The following AHNAK2 variants were observed in gnomAD, a reference collection of about 807,000 sequenced individuals.
The protein encoded by AHNAK2 is protein AHNAK2.
In AHNAK2, 18 loss-of-function variants were observed where a neutral mutation model predicts 30.7. That is an observed-to-expected ratio of 0.59 (90% confidence interval 0.41 to 0.87). AHNAK2 has a LOEUF of 0.87. Among genes scored for constraint, AHNAK2 ranks in the 40% least tolerant of loss-of-function variants. The probability of loss-of-function intolerance (pLI) is 0.00; values close to 1 mark genes in which losing one functional copy is unlikely to be tolerated. For missense variants in AHNAK2, 8,604 were observed against 7,373.0 expected (o/e 1.17, Z -6.11); for synonymous variants, 3,590 against 3,073.8 (o/e 1.17, Z -5.56).
chr14:104,942,311 G>A lies in AHNAK2; in HGVS notation c.13140C>T (p.His4380=). The A allele has an allele frequency of 6.2e-7, 1 of 1,613,340 alleles. No individual in the cohort carries two copies. Among genetic ancestry groups the A allele is most frequent in the Non-Finnish European group, 8.5e-7 (1 of 1,179,830 alleles). The stretch of plus-strand genomic sequence containing the variant: ...AACTGGGCATCTGCAGCTTCGGCAG[G>A]TGCCCTTTGAGGCCGGCTCCCTCAT... ...PVHEGAGLKG[H]LPKLQMPSFK... Residue 4380 remains histidine (H), a synonymous_variant, in exon 7 of 7, where the codon CAC becomes CAT. Coordinates refer to ENST00000333244, the MANE Select transcript of AHNAK2 (RefSeq NM_138420.4).
At chr14:104,977,918 C>G (rs547958863) in intron 1 of AHNAK2, among the ~76,000 whole-genome samples, 378 of 152,254 alleles carry the variant, frequency 2.5e-3, no homozygotes, top group African/African-American at 8.6e-3. Context: ...AGTCAGCCAC[C>G]GAGAAACAAA....
At chr14:104,970,966 G>A (rs1343564532) in intron 1 of AHNAK2, among the ~76,000 whole-genome samples, 1 of 152,064 alleles carries the variant, frequency 6.6e-6, no homozygotes, top group Non-Finnish European at 1.5e-5. Context: ...TGGTCACTGG[G>A]CCAGTGACCT....
Position 104,954,184 on chromosome 14 carries a change from T to C in AHNAK2, c.1267A>G (p.Thr423Ala). 1 of 1,609,950 alleles carries C rather than the reference T, an allele frequency of 6.2e-7. No homozygotes were observed. The highest frequency in any genetic ancestry group is 8.5e-7 in the Non-Finnish European group (1 of 1,179,694). The change falls in exon 7 of 7, where the codon ACC (threonine) becomes GCC (alanine). Residue 423 changes from threonine (T) to alanine (A), a missense_variant. By Grantham distance (58) the Thr-to-Ala change is moderately conservative. Coordinates refer to ENST00000333244, the MANE Select transcript of AHNAK2 (RefSeq NM_138420.4). This position sits in a 1 kb window ranked among gnomAD's most constrained non-coding sequence, Gnocchi z 4.3. ...GTCTCCTGTGCCTGCCCCTCCAGGG[T>C]CTTTCCATGGAGCCTGGCTGCCCTG... The part of the protein sequence containing the change: ...GLRAARLHGK[T>A]LEGQAQETAV...
Position 104,945,691 on chromosome 14 carries a change from C to T in AHNAK2, c.9760G>A (p.Asp3254Asn). ...PQIDIKGPKL[D>N]LKGPKMDVTA... ...ACATCCATCTTCGGGCCTTTCAGGT[C>T]CAGCTTGGGGCCCTTGATGTCTATC... Residue 3254 changes from aspartate to asparagine, a missense_variant, in exon 7 of 7, where the codon GAC becomes AAC. By Grantham distance (23) the Asp-to-Asn change is conservative. Transcript: ENST00000333244. 1 of 1,600,278 alleles carries T rather than the reference C, an allele frequency of 6.2e-7. No individual in the cohort carries two copies. Among genetic ancestry groups the T allele is most frequent in the African/African-American group, 1.4e-5 (1 of 73,636 alleles).
chr14:104,938,313 T>C lies in AHNAK2; in HGVS notation c.17138A>G (p.Lys5713Arg). ...GFSSSPTKKS[K>R]STEDGAELEE... ...CAGCTCTGCCCCATCTTCGGTGCTT[T>C]TGCTTTTCTTGGTAGGAGATGAGGA... Residue 5713 changes from lysine (K) to arginine (R), a missense_variant, in exon 7 of 7, where the codon AAA (lysine) becomes AGA (arginine). Lys to Arg is a conservative substitution (Grantham distance 26). Transcript: ENST00000333244. 1.2e-6 allele frequency: 2 copies of C among 1,613,984 alleles called. No individual in the cohort carries two copies. Among genetic ancestry groups the C allele is most frequent in the Non-Finnish European group, 1.7e-6 (2 of 1,179,898 alleles).
chr14:104,948,162 A>G lies in AHNAK2; in HGVS notation c.7289T>C (p.Leu2430Pro). ...QIDVKGPKLD[L>P]KGPKTDVMAP... The stretch of plus-strand genomic sequence containing the variant: ...CATCACGTCCGTCTTGGGGCCTTTC[A>G]GGTCCAGCTTGGGGCCCTTGACATC... Residue 2430 changes from leucine (L) to proline (P), a missense_variant, in exon 7 of 7, where the codon CTG becomes CCG. Transcript: ENST00000333244. 2 of 1,612,368 alleles carry G rather than the reference A, an allele frequency of 1.2e-6. No homozygotes were observed. The highest frequency in any genetic ancestry group is 1.7e-6 in the Non-Finnish European group (2 of 1,179,522).
In AHNAK2 at chr14:104,948,251, G is replaced by A. The variant is rs1471003148; in HGVS notation, c.7200C>T (p.His2400=). 24 of 1,612,366 alleles carry A rather than the reference G, an allele frequency of 1.5e-5. No individual in the cohort carries two copies. The highest frequency in any genetic ancestry group is 1.9e-5 in the Non-Finnish European group (22 of 1,179,556). The change falls in exon 7 of 7, where the codon CAC becomes CAT. Residue 2400 remains histidine (H), a synonymous_variant. Transcript: ENST00000333244. ...PVPEGAGLKG[H]LPKLQMPSFK... ...AACTGGGCATCTGCAGCTTGGGCAG[G>A]TGCCCTTTGAGGCCGGCTCCCTCCG... is the stretch of plus-strand genomic sequence containing the variant.
At chr14:104,961,371 G>A (rs182926809) in intron 1 of AHNAK2, among the ~76,000 whole-genome samples, 263 of 151,994 alleles carry the variant, frequency 1.7e-3, no homozygotes, top group African/African-American at 6.0e-3. Flanking sequence ...AAAAATAGCC[G>A]GGCGAGGTGG....
rs1357422690 is a variant in AHNAK2 at position 104,942,875 on chromosome 14, G to T, written c.12576C>A (p.Val4192=). The T allele has an allele frequency of 1.9e-6, 3 of 1,612,928 alleles. No individual in the cohort carries two copies. Among genetic ancestry groups the T allele is most frequent in the Non-Finnish European group, 2.5e-6 (3 of 1,179,594 alleles). The change falls in exon 7 of 7, where the codon GTC becomes GTA. Residue 4192 remains valine, a synonymous_variant. Transcript: ENST00000333244. ...SIQSPSADLE[V]QAGQVDVKLP... ...GTTTCACGTCCACTTGGCCAGCCTG[G>T]ACCTCCAGGTCGGCGGAAGGGGACT... is the stretch of plus-strand genomic sequence containing the variant.
intron 1 of AHNAK2, among the ~76,000 whole-genome samples, chr14:104,977,703 T>C (rs761845349): frequency 1.2e-4 from 18 of 151,624 alleles, no homozygotes; most frequent in South Asian, 8.3e-4. Flanking sequence ...GCAAAGCAGG[T>C]GAGAGGGCAA....
Position 104,946,757 on chromosome 14 carries a change from C to G in AHNAK2, c.8694G>C (p.Lys2898Asn), listed in dbSNP as rs541881175. ...EGAGLKGHLPKVQMPSFKMPK... is the reference protein window; with the variant it reads ...EGAGLKGHLPNVQMPSFKMPK... ...GCATCTTGAAACTGGGCATCTGCAC[C>G]TTGGGCAGGTGCCCTTTGAGGCCGG... The change falls in exon 7 of 7, where the codon AAG (lysine) becomes AAC (asparagine). Residue 2898 changes from lysine (K) to asparagine (N), a missense_variant. Physicochemically the swap from Lys to Asn is moderately conservative, Grantham distance 94. Transcript: ENST00000333244. 9 of 1,612,624 alleles carry G rather than the reference C, an allele frequency of 5.6e-6. No homozygotes were observed. In the South Asian group the frequency reaches 9.9e-5, roughly 18 times the overall value.
At chr14:104,964,793 C>T (rs949310529) in intron 1 of AHNAK2, among the ~76,000 whole-genome samples, 2 of 152,200 alleles carry the variant, frequency 1.3e-5, no homozygotes, top group African/African-American at 2.4e-5. Flanking sequence ...GACAGGGTCT[C>T]CTGGAGAGGA....
At position 104,942,868 on chromosome 14, in the gene AHNAK2, C is replaced by T. The variant is rs1454628900; in HGVS notation, c.12583G>A (p.Gly4195Ser). The T allele has an allele frequency of 6.2e-7, 1 of 1,612,678 alleles. No homozygotes were observed. Among genetic ancestry groups the T allele is most frequent in the South Asian group, 1.1e-5 (1 of 91,032 alleles). Residue 4195 changes from glycine (G) to serine (S), a missense_variant, in exon 7 of 7, where the codon GGC becomes AGC. Coordinates refer to ENST00000333244, the MANE Select transcript of AHNAK2 (RefSeq NM_138420.4). ...TCCGGGAGTTTCACGTCCACTTGGC[C>T]AGCCTGGACCTCCAGGTCGGCGGAA... is the stretch of plus-strand genomic sequence containing the variant. ...SPSADLEVQA[G>S]QVDVKLPEGP...
rs551947828 is a variant in AHNAK2, at chr14:104,948,779, G to A, written c.6672C>T (p.Gly2224=). 4 of 1,612,312 alleles carry A rather than the reference G, an allele frequency of 2.5e-6. No individual in the cohort carries two copies. In the African/African-American group the frequency reaches 5.4e-5, roughly 22 times the overall value. ...TGAGGCCGACTTCCTCGGGCACAGGGCCCTCCAGGAGTTTCACGTCCACCT... is the reference window on the plus strand; with the variant it reads ...TGAGGCCGACTTCCTCGGGCACAGGACCCTCCAGGAGTTTCACGTCCACCT... ...AGQVDVKLLE[G]PVPEEVGLKG... is the part of the protein sequence containing the mutation. The change falls in exon 7 of 7, where the codon GGC becomes GGT. Residue 2224 remains glycine (G), a synonymous_variant. Coordinates refer to ENST00000333244, the MANE Select transcript of AHNAK2 (RefSeq NM_138420.4).
chr14:104,966,541 C>T lies in AHNAK2; in HGVS notation c.56-8869G>A, dbSNP rs946395096. ...AGGGCCCCTGCTGCTCCCACCTGGA[C>T]GCACCCCCAACCTGCACAGACAGAA... On this transcript the variant is annotated intron_variant, in intron 1 of 6. Transcript: ENST00000333244. The surrounding 1 kb of genome is among the most constrained non-coding windows in gnomAD (Gnocchi z 4.3). Among the ~76,000 whole-genome samples the T allele has an allele frequency of 1.3e-5, 2 of 152,274 alleles. No individual in the cohort carries two copies. Among genetic ancestry groups the T allele is most frequent in the African/African-American group, 4.8e-5 (2 of 41,550 alleles).
chr14:104,955,771 G>A, intron 4 of AHNAK2, 138 bp from the exon 5 acceptor site: 1 of 1,198,504 alleles, frequency 8.3e-7, no homozygotes, highest in Non-Finnish European at 1.1e-6. Context: ...GCAGAGTAGG[G>A]TACCCACCAG....
rs775994289 is a variant in AHNAK2, at chr14:104,948,460, A to G, written c.6991T>C (p.Ser2331Pro). The G allele has an allele frequency of 1.9e-6, 3 of 1,610,682 alleles. No individual in the cohort carries two copies. Among genetic ancestry groups the G allele is most frequent in the Non-Finnish European group, 2.5e-6 (3 of 1,178,596 alleles). The part of the protein sequence containing the change: ...PKFKMLSFGV[S>P]ALGKSIEASA... ...GCCTCGATGGACTTGCCAAGGGCAG[A>G]CACCCCAAACGACAGCATCTTGAAC... is the stretch of plus-strand genomic sequence containing the variant. The change falls in exon 7 of 7, where the codon TCT (serine) becomes CCT (proline). Residue 2331 changes from serine (S) to proline (P), a missense_variant. Ser to Pro is a moderately conservative substitution (Grantham distance 74). Coordinates refer to ENST00000333244, the MANE Select transcript of AHNAK2 (RefSeq NM_138420.4).
rs372112311 is a variant in AHNAK2, at chr14:104,947,968, C to A, written c.7483G>T (p.Val2495Leu). 1.2e-6 allele frequency: 2 copies of A among 1,612,736 alleles called. No individual in the cohort carries two copies. Among genetic ancestry groups the A allele is most frequent in the Non-Finnish European group, 1.7e-6 (2 of 1,179,644 alleles). The change falls in exon 7 of 7, where the codon GTG (valine) becomes TTG (leucine). Residue 2495 changes from valine to leucine, a missense_variant. Physicochemically the swap from Val to Leu is conservative, Grantham distance 32. Transcript: ENST00000333244. ...IPKFKMPSFG[V>L]SAPGKSIEAS... ...TCGATGGACTTGCCTGGGGCAGACA[C>A]CCCGAATGACGGCATCTTGAACTTG...
At position 104,950,705 on chromosome 14, in the gene AHNAK2, G is replaced by A. The variant is rs750351478; in HGVS notation, c.4746C>T (p.Pro1582=). The stretch of plus-strand genomic sequence containing the variant: ...GGTCCACTTTGGGCATCTTGAAACT[G>A]GGCATCTGCACTTTGGGCAGGTGCC... The part of the protein sequence containing the change: ...LKGHLPKVQM[P]SFKMPKVDLK... The change falls in exon 7 of 7, where the codon CCC becomes CCT. Residue 1582 remains proline, a synonymous_variant. Transcript: ENST00000333244. 29 of 1,587,764 alleles carry A rather than the reference G, an allele frequency of 1.8e-5. 5 individuals carry two copies. Among genetic ancestry groups the A allele is most frequent in the Admixed American group, 5.2e-5 (3 of 57,512 alleles).
Sources: gnomAD v4.1 joint callset for allele counts (sites outside exome capture counted in the v4.1 genomes callset) on GRCh38, gnomAD v4.1.1 for gene constraint, Gnocchi (gnomAD v3.1) non-coding constraint, MANE v1.5 for transcripts, NCBI Gene and HGNC (gene_info 2026-07-23, HGNC 2026-07-21) for gene names.